The following PLXDC2 variants were observed in gnomAD, a reference collection of about 807,000 sequenced individuals.
The protein encoded by PLXDC2 is plexin domain containing 2, also known as plexin domain-containing protein 2.
PLXDC2 carries 40 observed loss-of-function variants against 68.9 expected under a neutral mutation model. The ratio of observed to expected loss-of-function variants is 0.58; its 90% CI spans 0.45 to 0.76. The LOEUF (loss-of-function observed/expected upper bound fraction) is 0.76, where lower values mean the gene tolerates loss of function less well. Among genes scored for constraint, PLXDC2 ranks in the 30% least tolerant of loss-of-function variants. The pLI, the probability that PLXDC2 is intolerant of heterozygous loss-of-function variation, is 0.00. For missense variants in PLXDC2, 644 were observed against 661.9 expected, an observed-to-expected ratio of 0.97 and a Z score of 0.30; for synonymous variants, 243 against 234.2, an observed-to-expected ratio of 1.04 and a Z score of -0.34.
At chr10:19,947,009 T>G (rs945236880) in intron 1 of PLXDC2, among the ~76,000 whole-genome samples, 18 of 152,060 alleles carry the variant, frequency 1.2e-4, no homozygotes, top group African/African-American at 4.3e-4. Context: ...GTTGGGGGCC[T>G]CTGATCTCAA....
At chr10:20,015,997 A>G (rs1431759937) in intron 2 of PLXDC2, among the ~76,000 whole-genome samples, 1 of 152,202 alleles carries the variant, frequency 6.6e-6, no homozygotes, top group Non-Finnish European at 1.5e-5. Flanking sequence ...CAAAGCCATC[A>G]CGAGTATAAA....
intron 6 of PLXDC2, among the ~76,000 whole-genome samples, chr10:20,160,586 A>G (rs959492114): frequency 6.6e-6 from 1 of 152,178 alleles, no homozygotes; most frequent in African/African-American, 2.4e-5. Context: ...TATATATCAG[A>G]TAATTTTCAG....
intron 2 of PLXDC2, among the ~76,000 whole-genome samples, chr10:20,017,755 C>A (rs190889945): frequency 9.8e-5 from 15 of 152,298 alleles, no homozygotes; most frequent in Middle Eastern, 3.4e-3. Flanking sequence ...CTTTTTCATT[C>A]TCGTATTTAA....
At chr10:20,197,728 G>A (rs1425820600) in intron 9 of PLXDC2, among the ~76,000 whole-genome samples, 2 of 149,912 alleles carry the variant, frequency 1.3e-5, no homozygotes, top group Admixed American at 6.7e-5. Flanking sequence ...GTGTGATCTC[G>A]GCTCACTGCA....
chr10:20,154,038 AC>A (rs1440909294), intron 6 of PLXDC2, among the ~76,000 whole-genome samples: 2 of 152,060 alleles, frequency 1.3e-5, no homozygotes, highest in Admixed American at 1.3e-4. Flanking sequence ...AAATGAAAGA[AC>A]CTGTACATAG....
intron 1 of PLXDC2, among the ~76,000 whole-genome samples, chr10:19,857,127 A>G (rs952157943): frequency 6.6e-6 from 1 of 152,224 alleles, no homozygotes; most frequent in Non-Finnish European, 1.5e-5. Flanking sequence ...TGAGGGAGCT[A>G]AGGTGTACAA....
At chr10:19,997,851 T>C (rs567245753) in intron 1 of PLXDC2, among the ~76,000 whole-genome samples, 1 of 152,228 alleles carries the variant, frequency 6.6e-6, no homozygotes, top group Non-Finnish European at 1.5e-5. Flanking sequence ...CTTTCTACAA[T>C]AGTTTATCTG....
At chr10:19,996,414 T>C (rs1164385162) in intron 1 of PLXDC2, among the ~76,000 whole-genome samples, 4 of 152,146 alleles carry the variant, frequency 2.6e-5, no homozygotes, top group African/African-American at 9.7e-5. Context: ...AGACCCCATC[T>C]CTACAAAAAA....
chr10:19,832,562 C>T (rs187076350), intron 1 of PLXDC2, among the ~76,000 whole-genome samples: 83 of 152,254 alleles, frequency 5.5e-4, no homozygotes, highest in Non-Finnish European at 1.0e-3. Flanking sequence ...GTTCAATTTG[C>T]ATAATTTTTA....
chr10:20,000,230 G>T (rs1185788144), intron 1 of PLXDC2, among the ~76,000 whole-genome samples: 1 of 151,968 alleles, frequency 6.6e-6, no homozygotes, highest in Non-Finnish European at 1.5e-5. Flanking sequence ...TGTATGGAGG[G>T]CAGGAGGGTG....
At chr10:20,187,012 G>A (rs941155010) in intron 9 of PLXDC2, among the ~76,000 whole-genome samples, 2 of 151,738 alleles carry the variant, frequency 1.3e-5, no homozygotes, top group African/African-American at 4.8e-5. Flanking sequence ...CTCAGCTGCC[G>A]GGTACCTGAG....
rs1833823047 is a variant in PLXDC2, at chr10:19,941,834, G to A, written c.113-59941G>A. Among the ~76,000 whole-genome samples, 3 of 151,932 alleles carry A rather than the reference G, an allele frequency of 2.0e-5. No individual in the cohort carries two copies. The South Asian group carries it at 6.2e-4, about 32-fold the overall frequency. ...GTGTTGAGTTCTCATTATGTACTGTGGATTGTTTCACATAGCTCTTCTCAT... is the reference window on the plus strand; with the variant it reads ...GTGTTGAGTTCTCATTATGTACTGTAGATTGTTTCACATAGCTCTTCTCAT... On this transcript the variant is annotated intron_variant, in intron 1 of 13. Transcript: ENST00000377252.
At chr10:20,168,114 A>G (rs1834398342) in intron 7 of PLXDC2, among the ~76,000 whole-genome samples, 1 of 152,174 alleles carries the variant, frequency 6.6e-6, no homozygotes, top group African/African-American at 2.4e-5. Flanking sequence ...TACAAGAGAA[A>G]TACCTTTGCT....
intron 1 of PLXDC2, among the ~76,000 whole-genome samples, chr10:19,987,614 T>C (rs1173621612): frequency 6.6e-6 from 1 of 151,866 alleles, no homozygotes. Context: ...CAGGCTGGAG[T>C]GCAGTGGCGC....
intron 1 of PLXDC2, among the ~76,000 whole-genome samples, chr10:19,933,835 AAGG>A (rs1461501121): frequency 8.0e-6 from 1 of 125,556 alleles, no homozygotes; most frequent in Admixed American, 9.4e-5. Context: ...GGAAGGAAGG[AAGG>A]AGGGGAGGAA....
rs1027652972 is a variant in PLXDC2 at position 19,849,636 on chromosome 10, C to T, written c.112+32445C>T. Among the ~76,000 whole-genome samples, 4 of 152,122 alleles carry T rather than the reference C, an allele frequency of 2.6e-5. No individual in the cohort carries two copies. In the East Asian group the frequency reaches 5.8e-4, roughly 22 times the overall value. On this transcript the variant is annotated intron_variant, in intron 1 of 13. Transcript: ENST00000377252. Reference sequence around the variant, plus strand: ...GTGAAGAAGGACATGTTTGCTTCCCCTTCCACCATGATTGTAAGTTTCCTG... The same window carrying T: ...GTGAAGAAGGACATGTTTGCTTCCCTTTCCACCATGATTGTAAGTTTCCTG...
intron 1 of PLXDC2, among the ~76,000 whole-genome samples, chr10:19,985,132 G>A (rs1460035559): frequency 6.6e-6 from 1 of 152,196 alleles, no homozygotes; most frequent in Non-Finnish European, 1.5e-5. Context: ...TTATCAGGGC[G>A]ATACATGCAT....
At chr10:20,122,860 T>C (rs1169027345) in intron 4 of PLXDC2, among the ~76,000 whole-genome samples, 1 of 152,228 alleles carries the variant, frequency 6.6e-6, no homozygotes, top group Non-Finnish European at 1.5e-5. Flanking sequence ...GATTGGGTAA[T>C]AAAATGCATT....
chr10:19,913,960 A>T (rs888782170), intron 1 of PLXDC2, among the ~76,000 whole-genome samples: 1 of 151,972 alleles, frequency 6.6e-6, no homozygotes. Flanking sequence ...AAGCACATAC[A>T]ATGGTAAGTA....
Sources: allele counts gnomAD v4.1 joint callset (sites outside exome capture counted in the v4.1 genomes callset), GRCh38; gene constraint gnomAD v4.1.1; transcripts MANE v1.5; gene names NCBI Gene and HGNC (gene_info 2026-07-23, HGNC 2026-07-21).